Variants in SVOPL observed in about 807,000 individuals in gnomAD.
SVOPL encodes putative transporter SVOPL.
Under a neutral mutation model 61.0 loss-of-function variants are expected in SVOPL, and 60 were observed. That is an observed-to-expected ratio of 0.98 (90% CI 0.80 to 1.22). The LOEUF is 1.22. Among genes scored for constraint, SVOPL ranks in the 50% most tolerant of loss-of-function variants. The pLI is 0.00. For missense variants in SVOPL, 662 were observed against 643.9 expected (o/e 1.03, Z -0.30); for synonymous variants, 279 against 250.0 (o/e 1.12, Z -1.09).
intron 14 of SVOPL, among the ~76,000 whole-genome samples, chr7:138,611,853 A>G (rs1334883911): frequency 7.8e-5 from 6 of 76,824 alleles, no homozygotes; most frequent in Non-Finnish European, 1.1e-4. Context: ...CAAAGTGCCG[A>G]GATTGCAGCC....
At chr7:138,644,625 C>A (rs1203748352) in intron 9 of SVOPL, 92 bp downstream of exon 9, 13 of 1,517,722 alleles carry the variant, frequency 8.6e-6, no homozygotes, top group South Asian at 1.3e-5. Flanking sequence ...GACTAGAGAA[C>A]AAGGGTCCCC....
chr7:138,699,508 G>T (rs112070886), intron 1 of SVOPL, among the ~76,000 whole-genome samples: 1,710 of 152,150 alleles, frequency 0.011, 32 homozygotes, highest in African/African-American at 0.04. Flanking sequence ...AACTTGAGTG[G>T]TGTTGGGAAA....
At chr7:138,660,982 C>T (rs897559311) in intron 5 of SVOPL, 1 of 982,676 alleles carries the variant, frequency 1.0e-6, no homozygotes, top group Non-Finnish European at 1.2e-6. Flanking sequence ...AACTCCTGTA[C>T]TTTAATGTTT....
chr7:138,660,145 A>G (rs2117074471), intron 5 of SVOPL, 157 bp from the exon 6 acceptor site: 1 of 1,429,014 alleles, frequency 7.0e-7, no homozygotes, highest in Admixed American at 2.7e-5. Flanking sequence ...ATCATCCAAC[A>G]ATACAATCCA....
In SVOPL at chr7:138,694,213, A is replaced by G. The variant is rs114470961; in HGVS notation, c.-35+6965T>C. ...GATAGTCAAACACGTATACAACGAT[A>G]TAGGTGGGCATAAGGAAGGTCACCA... On this transcript the variant is annotated intron_variant, in intron 1 of 15. Coordinates refer to ENST00000674285, the MANE Select transcript of SVOPL (RefSeq NM_001139456.2). Among the ~76,000 whole-genome samples, 312 of 152,328 alleles carry G rather than the reference A, an allele frequency of 2.0e-3. 4 individuals carry two copies. Among genetic ancestry groups the G allele is most frequent in the African/African-American group, 7.1e-3 (297 of 41,584 alleles).
intron 8 of SVOPL, among the ~76,000 whole-genome samples, chr7:138,648,622 G>A (rs1801254628): frequency 6.6e-6 from 1 of 151,628 alleles, no homozygotes; most frequent in South Asian, 2.1e-4. Flanking sequence ...GCAGGAGAAT[G>A]GCGTGAACCC....
At chr7:138,618,430 C>T (rs1391470252) in intron 14 of SVOPL, among the ~76,000 whole-genome samples, 3 of 151,960 alleles carry the variant, frequency 2.0e-5, no homozygotes, top group African/African-American at 4.8e-5. Flanking sequence ...GGAGGCGAGG[C>T]GGGCCGATCA....
intron 14 of SVOPL, among the ~76,000 whole-genome samples, chr7:138,606,717 G>A (rs1242859908): frequency 6.6e-6 from 1 of 152,174 alleles, no homozygotes; most frequent in Non-Finnish European, 1.5e-5. Flanking sequence ...ACTTTGGGAG[G>A]CGGAGGCAGG....
intron 7 of SVOPL, among the ~76,000 whole-genome samples, chr7:138,652,663 T>C (rs1216667000): frequency 6.6e-6 from 1 of 152,002 alleles, no homozygotes; most frequent in Non-Finnish European, 1.5e-5. Context: ...TTGCCCAAGC[T>C]GGAATGCAAT....
chr7:138,676,404 G>T (rs556260080), intron 3 of SVOPL, among the ~76,000 whole-genome samples: 1 of 152,196 alleles, frequency 6.6e-6, no homozygotes, highest in Non-Finnish European at 1.5e-5. Flanking sequence ...AGGTTCTGCT[G>T]CCCGGAGAGG....
chr7:138,647,572 C>T (rs546406109), intron 8 of SVOPL, among the ~76,000 whole-genome samples: 5 of 151,000 alleles, frequency 3.3e-5, no homozygotes, highest in South Asian at 2.1e-4. Context: ...CATGTCTGGC[C>T]GGGTGTGGTG....
intron 5 of SVOPL, chr7:138,661,340 A>G: frequency 1.0e-6 from 1 of 985,446 alleles, no homozygotes; most frequent in Non-Finnish European, 1.2e-6. Flanking sequence ...TTATGTTTAT[A>G]CCTGCAAATG....
At position 138,621,107 on chromosome 7, in the gene SVOPL, C is replaced by A. The variant is rs142327276; in HGVS notation, c.1292G>T (p.Gly431Val). The A allele has an allele frequency of 1.9e-3, 3,113 of 1,613,680 alleles. 14 individuals carry two copies. The highest frequency in any genetic ancestry group is 6.3e-3 in the Middle Eastern group (38 of 6,058). ...ACACAGGGAGCCGCTGGTTCCCATC[C>A]CCAAAGCGCGCATCGTGGTGGGGTA... is the stretch of plus-strand genomic sequence containing the variant. ...EVYPTTMRAL[G>V]MGTSGSLCRI... The change falls in exon 14 of 16, where the codon GGG becomes GTG. Residue 431 changes from glycine (G) to valine (V), a missense_variant. By Grantham distance (109) the Gly-to-Val change is moderately radical. Transcript: ENST00000674285.
chr7:138,606,241 G>C lies in SVOPL; in HGVS notation c.1354-9711C>G, dbSNP rs529861293. On this transcript the variant is annotated intron_variant, in intron 14 of 15. Transcript: ENST00000674285. Reference sequence around the variant, plus strand: ...CTTGTTGTCTGAGGTATTACCTGGAGTTCTTGTCTCACGACCAAGAAAATT... The same window carrying C: ...CTTGTTGTCTGAGGTATTACCTGGACTTCTTGTCTCACGACCAAGAAAATT... 3.3e-5 allele frequency among the ~76,000 whole-genome samples: 5 copies of C among 152,224 alleles called. No homozygotes were observed. In the East Asian group the frequency reaches 7.7e-4, roughly 24 times the overall value.
At chr7:138,629,422 AG>A (rs1800069220) in intron 10 of SVOPL, among the ~76,000 whole-genome samples, 1 of 151,910 alleles carries the variant, frequency 6.6e-6, no homozygotes, top group Non-Finnish European at 1.5e-5. Flanking sequence ...TAGTGGAAAC[AG>A]GGTTTCACCA....
intron 14 of SVOPL, among the ~76,000 whole-genome samples, chr7:138,607,618 G>A (rs1057213587): frequency 6.6e-6 from 1 of 152,182 alleles, no homozygotes; most frequent in African/African-American, 2.4e-5. Flanking sequence ...TGATTTTGGT[G>A]GAGTAGAGAT....
intron 3 of SVOPL, among the ~76,000 whole-genome samples, chr7:138,674,855 C>CAA (rs34086254): frequency 6.0e-5 from 8 of 134,416 alleles, no homozygotes; most frequent in Admixed American, 4.5e-4. Context: ...GACTCCATCT[C>CAA]AAAAAAAAAA....
In SVOPL at chr7:138,659,931, G is replaced by C; in HGVS notation, c.403C>G (p.Pro135Ala). Residue 135 changes from proline (P) to alanine (A), a missense_variant, in exon 6 of 16, where the codon CCT becomes GCT. Coordinates refer to ENST00000674285, the MANE Select transcript of SVOPL (RefSeq NM_001139456.2). ...AYFSLLTSFA[P>A]SYIWFVFLRT... ...AGGAAGACAAACCAGATGTACGAAG[G>C]AGCAAACGAGGTCAGCAAGGAGAAA... is the stretch of plus-strand genomic sequence containing the variant. The C allele has an allele frequency of 6.4e-7, 1 of 1,551,528 alleles. No individual in the cohort carries two copies. The highest frequency in any genetic ancestry group is 8.7e-7 in the Non-Finnish European group (1 of 1,146,980).
intron 12 of SVOPL, among the ~76,000 whole-genome samples, chr7:138,626,736 T>C (rs775269405): frequency 6.6e-6 from 1 of 151,952 alleles, no homozygotes; most frequent in Non-Finnish European, 1.5e-5. Flanking sequence ...GTCCTAGCTA[T>C]TCAAGAGGCT....
Sources: gnomAD v4.1 joint callset for allele counts (sites outside exome capture counted in the v4.1 genomes callset) on GRCh38, gnomAD v4.1.1 for gene constraint, MANE v1.5 for transcripts, NCBI Gene and HGNC (gene_info 2026-07-23, HGNC 2026-07-21) for gene names.